PSD3: variants seen among roughly 807,000 people sequenced by gnomAD.
PSD3 encodes the protein pleckstrin and Sec7 domain containing 3, also known as PH and SEC7 domain-containing protein 3.
PSD3 carries 49 observed loss-of-function variants against 105.5 expected under a neutral mutation model. The observed-to-expected ratio is 0.46, with a 90% confidence interval of 0.37 to 0.59. PSD3 has a LOEUF of 0.59. Ranked by LOEUF, PSD3 falls within the 20% of genes least tolerant of loss-of-function variation. The pLI is 0.00. For synonymous variants in PSD3, 557 were observed against 457.8 expected (o/e 1.22, Z -2.77); for missense variants, 1,561 against 1,263.8 (o/e 1.24, Z -3.57).
intron 4 of PSD3, among the ~76,000 whole-genome samples, chr8:18,865,840 T>C (rs1032869575): frequency 6.6e-5 from 10 of 152,182 alleles, no homozygotes; most frequent in African/African-American, 2.2e-4. Context: ...TGTCTAAATA[T>C]GAGATGCTAA....
chr8:19,066,823 G>C (rs1477553700), intron 1 of PSD3, among the ~76,000 whole-genome samples: 2 of 152,156 alleles, frequency 1.3e-5, no homozygotes, highest in Non-Finnish European at 2.9e-5. Flanking sequence ...TATACTATTA[G>C]CCTGGAAGTC....
At chr8:18,586,167 C>T (rs13256522) in intron 12 of PSD3, among the ~76,000 whole-genome samples, 15,596 of 152,122 alleles carry the variant, frequency 0.1, 991 homozygotes, top group South Asian at 0.16. Flanking sequence ...TTTATTAATG[C>T]TTCAACTTCC....
intron 10 of PSD3, among the ~76,000 whole-genome samples, chr8:18,642,451 T>C (rs550452706): frequency 1.3e-5 from 2 of 152,328 alleles, no homozygotes; most frequent in East Asian, 3.9e-4. Flanking sequence ...ATATTTATTA[T>C]ATATCATCTT....
At chr8:18,718,752 G>C (rs569065847) in intron 9 of PSD3, among the ~76,000 whole-genome samples, 129 of 152,256 alleles carry the variant, frequency 8.5e-4, no homozygotes, top group Non-Finnish European at 7.8e-4. Flanking sequence ...TGACAGAAGA[G>C]AGTAGGAGGT....
intron 1 of PSD3, among the ~76,000 whole-genome samples, chr8:19,035,336 TC>T (rs1033800625): frequency 5.4e-4 from 83 of 152,334 alleles, no homozygotes; most frequent in Admixed American, 8.5e-4. Flanking sequence ...TAAAATAGTT[TC>T]GTTTAATTAG....
chr8:18,795,640 T>A (rs936399062), intron 8 of PSD3, among the ~76,000 whole-genome samples: 1 of 152,152 alleles, frequency 6.6e-6, no homozygotes, highest in African/African-American at 2.4e-5. Context: ...ATTCTATACT[T>A]AACCCTCCTA....
chr8:18,998,366 G>C (rs962025321), intron 1 of PSD3, among the ~76,000 whole-genome samples: 1 of 151,966 alleles, frequency 6.6e-6, no homozygotes, highest in East Asian at 1.9e-4. Flanking sequence ...CAAAACCCTG[G>C]ACCTTGCTTC....
chr8:18,699,466 C>A (rs1038803928), intron 9 of PSD3, among the ~76,000 whole-genome samples: 2 of 152,158 alleles, frequency 1.3e-5, no homozygotes, highest in Admixed American at 6.5e-5. Flanking sequence ...CAAGACGACC[C>A]AACATTTCTT....
intron 1 of PSD3, among the ~76,000 whole-genome samples, chr8:19,021,067 G>A (rs537854529): frequency 6.6e-6 from 1 of 152,332 alleles, no homozygotes; most frequent in South Asian, 2.1e-4. Flanking sequence ...CACCAAAGGA[G>A]TGGATGGTAA....
chr8:18,930,985 T>C (rs781693809), intron 2 of PSD3, among the ~76,000 whole-genome samples: 7 of 152,224 alleles, frequency 4.6e-5, no homozygotes, highest in Non-Finnish European at 8.8e-5. Flanking sequence ...TTAGCCTTTC[T>C]AGTAGATTTT....
rs1286906282 is a variant in PSD3 at position 18,765,339 on chromosome 8, CAAAAGCA to C, written c.2172+103_2172+109del. On this transcript the variant is annotated intron_variant, in intron 9 of 15. Coordinates refer to ENST00000327040, the MANE Select transcript of PSD3 (RefSeq NM_015310.4). ...TTAAAAGAAACATCACCAATAAAAC[CAAAAGCA>C]AAAAGCAAAATACTTAAGTGATCCT... 8.0e-6 allele frequency: 8 copies of C among 1,004,356 alleles called. No individual in the cohort carries two copies. In the African/African-American group the frequency reaches 1.1e-4, roughly 14 times the overall value. 62.2% of individuals were successfully genotyped at this position (1,004,356 alleles called of 1,614,324 possible).
chr8:18,683,272 A>G (rs1420384826), intron 9 of PSD3, among the ~76,000 whole-genome samples: 1 of 152,228 alleles, frequency 6.6e-6, no homozygotes, highest in Non-Finnish European at 1.5e-5. Context: ...TAACCACTCT[A>G]AACCTGACAT....
intron 2 of PSD3, among the ~76,000 whole-genome samples, chr8:18,934,630 C>T (rs1821988167): frequency 1.3e-5 from 2 of 152,198 alleles, no homozygotes; most frequent in Admixed American, 6.5e-5. Flanking sequence ...TAAATGTCAA[C>T]TTATTTCATT....
chr8:18,934,340 T>C (rs1821936067), intron 2 of PSD3, among the ~76,000 whole-genome samples: 2 of 152,242 alleles, frequency 1.3e-5, no homozygotes, highest in Admixed American at 1.3e-4. Flanking sequence ...ATGATGATGA[T>C]GGTGATGGTT....
chr8:18,826,873 A>C (rs1459826663), intron 4 of PSD3, among the ~76,000 whole-genome samples: 4 of 152,094 alleles, frequency 2.6e-5, no homozygotes, highest in Non-Finnish European at 5.9e-5. Flanking sequence ...GCTATAATAT[A>C]ATTAGTACCA....
chr8:18,845,917 G>C (rs988904636), intron 4 of PSD3, among the ~76,000 whole-genome samples: 5 of 152,208 alleles, frequency 3.3e-5, no homozygotes, highest in African/African-American at 9.6e-5. Flanking sequence ...TTGACCAATA[G>C]CATGAATAAT....
intron 3 of PSD3, among the ~76,000 whole-genome samples, chr8:18,870,644 C>T (rs1014480617): frequency 2.7e-5 from 4 of 149,860 alleles, no homozygotes; most frequent in Non-Finnish European, 4.4e-5. Context: ...CAAACCTGCA[C>T]GTTCTGCACA....
intron 1 of PSD3, among the ~76,000 whole-genome samples, chr8:19,064,388 T>G (rs1395519): frequency 0.73 from 111,133 of 151,856 alleles, 44,888 homozygotes; most frequent in Non-Finnish European, 0.92. Flanking sequence ...TATTTTTAAC[T>G]GTTATTTACA....
intron 4 of PSD3, among the ~76,000 whole-genome samples, chr8:18,827,312 A>G (rs1813275277): frequency 6.6e-6 from 1 of 152,196 alleles, no homozygotes; most frequent in African/African-American, 2.4e-5. Flanking sequence ...GAAAGGAAAG[A>G]AAAGTTTTCC....
Sources: gnomAD v4.1 joint callset for allele counts (sites outside exome capture counted in the v4.1 genomes callset) on GRCh38, gnomAD v4.1.1 for gene constraint, MANE v1.5 for transcripts, NCBI Gene and HGNC (gene_info 2026-07-23, HGNC 2026-07-21) for gene names.